The following RBL1 variants were observed in gnomAD, a reference collection of about 807,000 sequenced individuals.
RBL1 encodes retinoblastoma-like protein 1.
Under a neutral mutation model 123.0 loss-of-function variants are expected in RBL1, and 82 were observed. The ratio of observed to expected loss-of-function variants is 0.67; its 90% CI spans 0.56 to 0.80. The LOEUF is 0.80. Among genes scored for constraint, RBL1 ranks in the 30% least tolerant of loss-of-function variants. The probability of loss-of-function intolerance (pLI) is 0.00; values close to 1 mark genes in which losing one functional copy is unlikely to be tolerated. For synonymous variants in RBL1, 405 were observed against 441.3 expected, an observed-to-expected ratio of 0.92 and a Z score of 1.03; for missense variants, 1,171 against 1,299.6, an observed-to-expected ratio of 0.90 and a Z score of 1.52.
intron 7 of RBL1, among the ~76,000 whole-genome samples, chr20:37,063,904 C>A (rs1335799336): frequency 6.6e-6 from 1 of 151,230 alleles, no homozygotes; most frequent in African/African-American, 2.4e-5. Flanking sequence ...CTCACTGCAA[C>A]CTCAACCTCC....
chr20:37,086,184 G>T (rs1006284944), intron 2 of RBL1, among the ~76,000 whole-genome samples: 1 of 152,128 alleles, frequency 6.6e-6, no homozygotes, highest in Non-Finnish European at 1.5e-5. Flanking sequence ...AGATCAGATT[G>T]TTTTATACTA....
At position 37,089,123 on chromosome 20, in the gene RBL1, C is replaced by G; in HGVS notation, c.157-1G>C. The G allele has an allele frequency of 1.9e-6, 3 of 1,593,164 alleles. No homozygotes were observed. The African/African-American group carries it at 4.0e-5, about 21-fold the overall frequency. On this transcript the variant is annotated splice_acceptor_variant, in intron 1 of 21. Coordinates refer to ENST00000373664, the MANE Select transcript of RBL1 (RefSeq NM_002895.5). LOFTEE classifies it high-confidence loss of function. ...ATGCCAACCAGTGTGTAACTTCTCC[C>G]TGGCAAGCAAAAGACAAACAGCAAA...
intron 11 of RBL1, chr20:37,049,572 C>A: frequency 1.3e-6 from 1 of 755,502 alleles, no homozygotes; most frequent in South Asian, 1.4e-5. Flanking sequence ...TAGATGAGAA[C>A]GGCAAAATTA....
At chr20:37,019,666 G>A (rs778636759) in intron 18 of RBL1, among the ~76,000 whole-genome samples, 49 of 152,114 alleles carry the variant, frequency 3.2e-4, no homozygotes, top group Non-Finnish European at 6.5e-4. Context: ...CTCTATTTTG[G>A]TCTGCAGTCT....
At chr20:37,026,303 G>A (rs1568835077) in intron 16 of RBL1, among the ~76,000 whole-genome samples, 1 of 152,180 alleles carries the variant, frequency 6.6e-6, no homozygotes, top group Non-Finnish European at 1.5e-5. Context: ...AATTCAGAGT[G>A]TGGGCTGAGA....
chr20:37,031,647 G>GTAGTAT (rs1286989760), intron 16 of RBL1, among the ~76,000 whole-genome samples: 4 of 152,244 alleles, frequency 2.6e-5, no homozygotes, highest in Non-Finnish European at 4.4e-5. Flanking sequence ...TGGTACGGTG[G>GTAGTAT]TTCCTCAGAA....
Position 37,095,860 on chromosome 20 carries a change from G to A in RBL1, c.69C>T (p.Ala23=). Residue 23 remains alanine (A), a synonymous_variant, in exon 1 of 22, where the codon GCC becomes GCT. Coordinates refer to ENST00000373664, the MANE Select transcript of RBL1 (RefSeq NM_002895.5). The part of the protein sequence containing the change: ...VVAAAGEALQ[A]LCQELNLDEG... ...CGTCCAGGTTCAGCTCCTGGCACAG[G>A]GCCTGTAGCGCCTCCCCGGCTGCGG... 6.2e-7 allele frequency: 1 copy of A among 1,607,416 alleles called. No individual in the cohort carries two copies. The highest frequency in any genetic ancestry group is 1.1e-5 in the South Asian group (1 of 90,040).
Position 37,043,210 on chromosome 20 carries a change from G to A in RBL1, c.1770+876C>T, listed in dbSNP as rs919628688. On this transcript the variant is annotated intron_variant, in intron 13 of 21. Coordinates refer to ENST00000373664, the MANE Select transcript of RBL1 (RefSeq NM_002895.5). ...CAATTAGCCGGGTGTGGCCAGGCGC[G>A]GTGGCTCAAGCCTCTAGCCTCTAAT... Among the ~76,000 whole-genome samples the A allele has an allele frequency of 1.1e-3, 162 of 151,536 alleles. 2 individuals carry two copies. The highest frequency in any genetic ancestry group is 4.0e-4 in the Non-Finnish European group (27 of 67,894).
intron 11 of RBL1, among the ~76,000 whole-genome samples, chr20:37,050,362 G>GT (rs2064888338): frequency 6.6e-6 from 1 of 151,464 alleles, no homozygotes; most frequent in Non-Finnish European, 1.5e-5. Flanking sequence ...GCTAACATGG[G>GT]TGAAACCCCA....
intron 16 of RBL1, 66 bp from the exon 17 acceptor site, chr20:37,022,892 TACCAAG>T (rs2064366294): frequency 1.6e-6 from 2 of 1,289,456 alleles, no homozygotes; most frequent in Admixed American, 2.2e-5. Context: ...TTTTATGTCT[TACCAAG>T]ACCAAGATTA....
chr20:37,065,490 AT>A lies in RBL1; in HGVS notation c.847-18del. ...TTTTAATATCTGTGAACAAAAAATT[AT>A]TTTGGGACACCATATAATTAAGCAT... On this transcript the variant is annotated intron_variant, in intron 6 of 21. Coordinates refer to ENST00000373664, the MANE Select transcript of RBL1 (RefSeq NM_002895.5). The A allele has an allele frequency of 1.3e-6, 2 of 1,563,724 alleles. No homozygotes were observed. Among genetic ancestry groups the A allele is most frequent in the Non-Finnish European group, 1.7e-6 (2 of 1,143,628 alleles).
chr20:37,068,325 C>G (rs2065216823), intron 2 of RBL1, 139 bp from the exon 3 acceptor site: 1 of 1,287,532 alleles, frequency 7.8e-7, no homozygotes, highest in Non-Finnish European at 1.0e-6. Context: ...GACCCCATCT[C>G]TACAAAAATT....
chr20:37,056,464 C>T (rs2065009383), intron 9 of RBL1, among the ~76,000 whole-genome samples: 1 of 150,184 alleles, frequency 6.7e-6, no homozygotes, highest in African/African-American at 2.5e-5. Context: ...AAGCGATTCT[C>T]CTGTCTCAAC....
chr20:36,997,086 TA>T lies in RBL1; in HGVS notation c.*1672del, dbSNP rs1600420056. The T allele has an allele frequency of 6.6e-6, 1 of 152,306 alleles. No homozygotes were observed. The highest frequency in any genetic ancestry group is 1.5e-5 in the Non-Finnish European group (1 of 68,024). 9.4% of individuals were successfully genotyped at this position (152,306 alleles called of 1,614,324 possible). ...AAATTAAGGTTTGCAGTTAGAAACA[TA>T]AACATTTGATAAAACTTCTCAAAAT... On this transcript the variant is annotated 3_prime_UTR_variant, in exon 22 of 22. Coordinates refer to ENST00000373664, the MANE Select transcript of RBL1 (RefSeq NM_002895.5).
chr20:37,066,769 C>T lies in RBL1; in HGVS notation c.801G>A (p.Lys267=). 2 of 1,613,670 alleles carry T rather than the reference C, an allele frequency of 1.2e-6. No individual in the cohort carries two copies. The highest frequency in any genetic ancestry group is 1.7e-6 in the Non-Finnish European group (2 of 1,179,688). The change falls in exon 6 of 22, where the codon AAG becomes AAA. Residue 267 remains lysine, a synonymous_variant. Transcript: ENST00000373664. ...DGLLVEAKGI[K]EHYFKPYISK... is the part of the protein sequence containing the mutation. ...AAATATATGGCTTAAAGTAGTGCTC[C>T]TTTATTCCTTTTGCTTCTACGAGAA...
At chr20:37,071,738 C>T (rs537566166) in intron 2 of RBL1, among the ~76,000 whole-genome samples, 31 of 152,260 alleles carry the variant, frequency 2.0e-4, no homozygotes, top group Admixed American at 1.8e-3. Context: ...TCATGAATGG[C>T]TTGGTGCTCT....
In RBL1 at chr20:37,043,426, C is replaced by T. The variant is rs111903166; in HGVS notation, c.1770+660G>A. Among the ~76,000 whole-genome samples, 625 of 150,670 alleles carry T rather than the reference C, an allele frequency of 4.1e-3. 8 individuals are homozygous for T. The highest frequency in any genetic ancestry group is 0.015 in the African/African-American group (600 of 41,080). ...AGAATTGCTTGAACTGGGAGGCAGACGTTGCAGTGAGCCGAGACTGTGCCA... is the reference window on the plus strand; with the variant it reads ...AGAATTGCTTGAACTGGGAGGCAGATGTTGCAGTGAGCCGAGACTGTGCCA... On this transcript the variant is annotated intron_variant, in intron 13 of 21. Coordinates refer to ENST00000373664, the MANE Select transcript of RBL1 (RefSeq NM_002895.5).
In RBL1 at chr20:37,035,416, G is replaced by C. The variant is rs2064592846; in HGVS notation, c.1996C>G (p.Pro666Ala). ...ATCTTGTCCATAAGCATTTCCTTTG[G>C]GGGGTCCTCTCCAAAGAGTCTTCTC... ...AKRRLFGEDP[P>A]KEMLMDKIIT... The change falls in exon 15 of 22, where the codon CCA becomes GCA. Residue 666 changes from proline (P) to alanine (A), a missense_variant. Coordinates refer to ENST00000373664, the MANE Select transcript of RBL1 (RefSeq NM_002895.5). The C allele has an allele frequency of 1.9e-6, 3 of 1,614,014 alleles. No individual in the cohort carries two copies. Among genetic ancestry groups the C allele is most frequent in the Non-Finnish European group, 2.5e-6 (3 of 1,179,978 alleles).
chr20:37,024,231 T>TCAAAAGCCA (rs1289714989), intron 16 of RBL1, among the ~76,000 whole-genome samples: 1 of 152,104 alleles, frequency 6.6e-6, no homozygotes, highest in Admixed American at 6.6e-5. Flanking sequence ...AACAGTTGAC[T>TCAAAAGCCA]CCAAAGCCAC....
Sources: allele counts gnomAD v4.1 joint callset (sites outside exome capture counted in the v4.1 genomes callset), GRCh38; gene constraint gnomAD v4.1.1; transcripts MANE v1.5; gene names NCBI Gene and HGNC (gene_info 2026-07-23, HGNC 2026-07-21).